The following CSNK2A2IP variants were observed in gnomAD, a reference collection of about 807,000 sequenced individuals.
CSNK2A2IP encodes casein kinase II subunit alpha'-interacting protein.
At chr3:88,455,126 A>G in the CSNK2A2IP span, among the ~76,000 whole-genome samples, 2 of 151,824 alleles carry the variant, frequency 1.3e-5, no homozygotes, top group Admixed American at 6.6e-5. Flanking sequence ...CATTTTCTCT[A>G]TACATTCATC....
the CSNK2A2IP span, among the ~76,000 whole-genome samples, chr3:88,341,126 T>A: frequency 6.6e-6 from 1 of 151,966 alleles, no homozygotes; most frequent in Non-Finnish European, 1.5e-5. Flanking sequence ...TGTTACAAAA[T>A]AATTGAATTT....
the CSNK2A2IP span, among the ~76,000 whole-genome samples, chr3:88,433,022 A>T: frequency 6.6e-6 from 1 of 152,050 alleles, no homozygotes; most frequent in East Asian, 1.9e-4. Context: ...TTGGCTAGAC[A>T]GTATTTTAAA....
At chr3:88,407,335 T>C in the CSNK2A2IP span, among the ~76,000 whole-genome samples, 1 of 146,648 alleles carries the variant, frequency 6.8e-6, no homozygotes, top group Non-Finnish European at 1.5e-5. Context: ...TCTGAATGCA[T>C]ATTCATGCAT....
chr3:88,452,374 T>C, the CSNK2A2IP span, among the ~76,000 whole-genome samples: 1 of 152,184 alleles, frequency 6.6e-6, no homozygotes, highest in Non-Finnish European at 1.5e-5. Flanking sequence ...TGTAGTTTTG[T>C]TAAACAAATC....
At chr3:88,351,202 A>G in the CSNK2A2IP span, among the ~76,000 whole-genome samples, 1 of 152,144 alleles carries the variant, frequency 6.6e-6, no homozygotes, top group East Asian at 1.9e-4. Context: ...ATAAATACAT[A>G]ATTTTTCTTA....
At chr3:88,361,510 T>C in the CSNK2A2IP span, among the ~76,000 whole-genome samples, 6 of 152,316 alleles carry the variant, frequency 3.9e-5, no homozygotes, top group Middle Eastern at 0.014. Context: ...ATTTTATGTG[T>C]CATTTTCTTC....
chr3:88,382,214 C>A, the CSNK2A2IP span, among the ~76,000 whole-genome samples: 1 of 152,152 alleles, frequency 6.6e-6, no homozygotes, highest in Non-Finnish European at 1.5e-5. Context: ...TGCCTTTTTA[C>A]AAAGAATGGC....
the CSNK2A2IP span, among the ~76,000 whole-genome samples, chr3:88,380,103 C>G: frequency 6.6e-6 from 1 of 151,936 alleles, no homozygotes; most frequent in Non-Finnish European, 1.5e-5. Context: ...GCTTTAAAAA[C>G]TGTTAATGCA....
chr3:88,355,752 T>C, the CSNK2A2IP span, among the ~76,000 whole-genome samples: 1 of 152,170 alleles, frequency 6.6e-6, no homozygotes, highest in Non-Finnish European at 1.5e-5. Flanking sequence ...TTTTTATGAC[T>C]AGAATGCCTT....
chr3:88,342,145 T>C, the CSNK2A2IP span, among the ~76,000 whole-genome samples: 7 of 152,148 alleles, frequency 4.6e-5, no homozygotes, highest in South Asian at 1.4e-3. Flanking sequence ...TGCTACAATA[T>C]TGTATAGGTA....
At chr3:88,405,447 C>T in the CSNK2A2IP span, among the ~76,000 whole-genome samples, 3 of 152,104 alleles carry the variant, frequency 2.0e-5, no homozygotes, top group African/African-American at 7.2e-5. Context: ...CTGCCTCCTT[C>T]CCTGTAGGAT....
chr3:88,338,522 G>A, the CSNK2A2IP span: 16 of 152,142 alleles, frequency 1.1e-4, no homozygotes, highest in South Asian at 4.2e-4. Flanking sequence ...ATCAAGGATC[G>A]AGGCAATGGG....
chr3:88,386,426 G>A, the CSNK2A2IP span, among the ~76,000 whole-genome samples: 45,830 of 152,054 alleles, frequency 0.3, 7,278 homozygotes, highest in Admixed American at 0.41. Flanking sequence ...GTACCCAGCC[G>A]CAATACTCAA....
chr3:88,389,090 A>T, the CSNK2A2IP span, among the ~76,000 whole-genome samples: 2 of 152,160 alleles, frequency 1.3e-5, no homozygotes, highest in Non-Finnish European at 1.5e-5. Context: ...GAAATAAATA[A>T]GTTATATAAC....
At chr3:88,466,815 A>G in the CSNK2A2IP span, 1 of 896,162 alleles carries the variant, frequency 1.1e-6, no homozygotes, top group Non-Finnish European at 1.5e-6. Context: ...TAAAATCTCC[A>G]TGTAACCATC....
At chr3:88,428,728 T>G in the CSNK2A2IP span, among the ~76,000 whole-genome samples, 886 of 152,252 alleles carry the variant, frequency 5.8e-3, 14 homozygotes, top group African/African-American at 0.02. Context: ...AATATGCAAC[T>G]GTTTAGTAGC....
chr3:88,453,771 A>G, the CSNK2A2IP span, among the ~76,000 whole-genome samples: 3 of 152,152 alleles, frequency 2.0e-5, no homozygotes, highest in East Asian at 3.9e-4. Context: ...TTGACTGCAG[A>G]TGGGATTTCT....
the CSNK2A2IP span, among the ~76,000 whole-genome samples, chr3:88,457,695 C>CAAAAT: frequency 0.18 from 20,234 of 110,080 alleles, 2,153 homozygotes; most frequent in Admixed American, 0.3. Flanking sequence ...GACTCAGTCT[C>CAAAAT]AAAATAAAAT....
the CSNK2A2IP span, among the ~76,000 whole-genome samples, chr3:88,348,799 A>G: frequency 6.6e-6 from 1 of 152,084 alleles, no homozygotes; most frequent in Non-Finnish European, 1.5e-5. Flanking sequence ...AGTAAGAAGA[A>G]TATGGACAAC....
Sources: allele counts gnomAD v4.1 joint callset (sites outside exome capture counted in the v4.1 genomes callset), GRCh38; gene constraint gnomAD v4.1.1; transcripts MANE v1.5; gene names NCBI Gene and HGNC (gene_info 2026-07-23, HGNC 2026-07-21).